Variants in TMEM117 observed in about 807,000 individuals in gnomAD.
The protein encoded by TMEM117 is transmembrane protein 117.
Under a neutral mutation model 52.4 loss-of-function variants are expected in TMEM117, and 27 were observed. The ratio of observed to expected loss-of-function variants is 0.51; its 90% CI spans 0.38 to 0.71. TMEM117 has a LOEUF of 0.71. Ranked by LOEUF, TMEM117 falls within the 30% of genes least tolerant of loss-of-function variation. The pLI is 0.00. For synonymous variants in TMEM117, 215 were observed against 206.3 expected (o/e 1.04, Z -0.36); for missense variants, 556 against 630.5 (o/e 0.88, Z 1.26).
chr12:43,821,349 T>C, the TMEM117 span, among the ~76,000 whole-genome samples: 2 of 152,178 alleles, frequency 1.3e-5, no homozygotes, highest in African/African-American at 4.8e-5. Flanking sequence ...GGTGTGATCA[T>C]AGCTGGCTGC....
the TMEM117 span, chr12:43,795,881 A>C: frequency 1.2e-6 from 1 of 857,346 alleles, no homozygotes; most frequent in South Asian, 2.0e-5. Flanking sequence ...ACCATATGTA[A>C]ACAGTTTCAC....
At chr12:44,316,843 CT>C (rs1951060712) in intron 6 of TMEM117, among the ~76,000 whole-genome samples, 1 of 151,746 alleles carries the variant, frequency 6.6e-6, no homozygotes, top group Non-Finnish European at 1.5e-5. Flanking sequence ...CTCTGTAATT[CT>C]TTTTCTGTTT....
chr12:44,355,358 C>A (rs1198632470), intron 6 of TMEM117, among the ~76,000 whole-genome samples: 1 of 151,946 alleles, frequency 6.6e-6, no homozygotes, highest in Non-Finnish European at 1.5e-5. Flanking sequence ...CTTTCCATTG[C>A]CTATTTGGAG....
In TMEM117 at chr12:44,263,629, T is replaced by C. The variant is rs114479789; in HGVS notation, c.609-35951T>C. ...AGTGATAGACTGGTTCCTTACAGAA[T>C]TGTTTTTAAAAAACGAAATAACTTC... On this transcript the variant is annotated intron_variant, in intron 5 of 7. Coordinates refer to ENST00000266534, the MANE Select transcript of TMEM117 (RefSeq NM_032256.3). 9.6e-4 allele frequency: 146 copies of C among 152,344 alleles called. 1 individual carries two copies. Among genetic ancestry groups the C allele is most frequent in the African/African-American group, 3.5e-3 (144 of 41,584 alleles). The allele number at this position is 152,344 out of a possible 1,614,324, so 9.4% of individuals were successfully genotyped here. A position where few individuals can be genotyped will look rare whatever the true frequency, so the allele number is the denominator to read the frequency against.
the TMEM117 span, chr12:43,806,455 C>A: frequency 1.3e-5 from 13 of 1,017,994 alleles, no homozygotes; most frequent in African/African-American, 1.7e-5. Context: ...CAGCCCCCGG[C>A]CTCGCTATCC....
intron 5 of TMEM117, among the ~76,000 whole-genome samples, chr12:44,217,161 G>A (rs1008225617): frequency 5.3e-5 from 8 of 152,094 alleles, no homozygotes; most frequent in African/African-American, 1.9e-4. Flanking sequence ...TAAGAATCAG[G>A]GGAAATGTCA....
At chr12:44,372,542 G>A (rs116917542) in intron 6 of TMEM117, among the ~76,000 whole-genome samples, 5,597 of 151,154 alleles carry the variant, frequency 0.037, 131 homozygotes, top group Non-Finnish European at 0.052. Context: ...AAATGTTAAA[G>A]TTGGTCTTCT....
intron 3 of TMEM117, among the ~76,000 whole-genome samples, chr12:44,029,213 A>T (rs1337240501): frequency 6.6e-6 from 1 of 152,122 alleles, no homozygotes; most frequent in Non-Finnish European, 1.5e-5. Context: ...TCCTTCTAAG[A>T]TTTAGGGGGT....
rs1351450328 is a variant in TMEM117 at position 44,152,091 on chromosome 12, A to G, written c.510+8467A>G. Among the ~76,000 whole-genome samples, 30 of 114,596 alleles carry G rather than the reference A, an allele frequency of 2.6e-4. No individual in the cohort carries two copies. The South Asian group carries it at 3.3e-3, about 13-fold the overall frequency. 75.2% of individuals were successfully genotyped at this position (114,596 alleles called of 152,430 possible). On this transcript the variant is annotated intron_variant, in intron 4 of 7. Transcript: ENST00000266534. Reference sequence around the variant, plus strand: ...GATATAATATATATTTATATTATAAACATAAATATATAATATATAATATAA... The same window carrying G: ...GATATAATATATATTTATATTATAAGCATAAATATATAATATATAATATAA...
chr12:44,096,401 G>A (rs1291880529), intron 3 of TMEM117, among the ~76,000 whole-genome samples: 13 of 151,782 alleles, frequency 8.6e-5, no homozygotes, highest in South Asian at 4.2e-4. Context: ...AGCCCACATC[G>A]CCAAGTCAAT....
chr12:43,853,467 G>T (rs1359834837), intron 2 of TMEM117, among the ~76,000 whole-genome samples: 2 of 152,024 alleles, frequency 1.3e-5, no homozygotes, highest in Non-Finnish European at 2.9e-5. Context: ...GTAGAGACAG[G>T]GTATCACCAC....
At chr12:44,114,210 A>T (rs563533733) in intron 3 of TMEM117, among the ~76,000 whole-genome samples, 3 of 152,132 alleles carry the variant, frequency 2.0e-5, no homozygotes, top group Non-Finnish European at 4.4e-5. Context: ...AGCTGTTCCT[A>T]TTCGGCCATC....
chr12:44,017,571 T>C (rs1479996079), intron 3 of TMEM117, among the ~76,000 whole-genome samples: 1 of 152,122 alleles, frequency 6.6e-6, no homozygotes, highest in African/African-American at 2.4e-5. Context: ...GGGTTTTTAG[T>C]TGAAACCAGG....
the TMEM117 span, among the ~76,000 whole-genome samples, chr12:43,823,019 A>T: frequency 3.2e-3 from 486 of 152,322 alleles, 7 homozygotes; most frequent in South Asian, 1.2e-3. Context: ...CGTTTAAGGG[A>T]TATCAAGTCA....
intron 2 of TMEM117, among the ~76,000 whole-genome samples, chr12:43,851,226 A>G (rs1483211066): frequency 2.0e-5 from 3 of 152,184 alleles, no homozygotes; most frequent in African/African-American, 7.2e-5. Context: ...ACATGATTTA[A>G]TATACTTCAT....
intron 2 of TMEM117, among the ~76,000 whole-genome samples, chr12:43,930,791 C>CT (rs1592372228): frequency 6.6e-6 from 1 of 152,226 alleles, no homozygotes; most frequent in South Asian, 2.1e-4. Flanking sequence ...ATTTTAAGAT[C>CT]TTTTTTGTCT....
chr12:44,002,231 C>T (rs150292551), intron 3 of TMEM117, among the ~76,000 whole-genome samples: 59 of 152,276 alleles, frequency 3.9e-4, no homozygotes, highest in Middle Eastern at 3.4e-3. Flanking sequence ...GGTTTTTACA[C>T]TCTTGTCACT....
chr12:44,099,076 TTA>T (rs1947820377), intron 3 of TMEM117, among the ~76,000 whole-genome samples: 1 of 152,070 alleles, frequency 6.6e-6, no homozygotes, highest in Admixed American at 6.6e-5. Context: ...TCTGCTGTTA[TTA>T]TTTGATTACT....
intron 3 of TMEM117, among the ~76,000 whole-genome samples, chr12:44,088,409 C>T (rs1947608458): frequency 6.6e-6 from 1 of 152,180 alleles, no homozygotes. Flanking sequence ...GTGATTGTCT[C>T]ACTCAACTAA....
Sources: allele counts gnomAD v4.1 joint callset (sites outside exome capture counted in the v4.1 genomes callset), GRCh38; gene constraint gnomAD v4.1.1; transcripts MANE v1.5; gene names NCBI Gene and HGNC (gene_info 2026-07-23, HGNC 2026-07-21).